FGF14: variants seen among roughly 807,000 people sequenced by gnomAD.
The protein encoded by FGF14 is fibroblast growth factor homologous factor 4.
In FGF14, 5 loss-of-function variants were observed where a neutral mutation model predicts 25.5. That is an observed-to-expected ratio of 0.20 (90% confidence interval 0.10 to 0.41). The LOEUF (loss-of-function observed/expected upper bound fraction) is 0.41. Among genes scored for constraint, FGF14 ranks in the 10% least tolerant of loss-of-function variants. FGF14 has a pLI of 1.00. For missense variants in FGF14, 222 were observed against 320.1 expected (o/e 0.69, Z 2.34); for synonymous variants, 138 against 118.3 (o/e 1.17, Z -1.08).
Position 102,061,386 on chromosome 13 carries a change from G to A in FGF14, c.209-186090C>T, listed in dbSNP as rs373190532. Among the ~76,000 whole-genome samples, 6 of 152,208 alleles carry A rather than the reference G, an allele frequency of 3.9e-5. No homozygotes were observed. In the East Asian group the frequency reaches 9.6e-4, roughly 24 times the overall value. On this transcript the variant is annotated intron_variant, in intron 1 of 4. Coordinates refer to the FGF14 transcript ENST00000376131. The stretch of plus-strand genomic sequence containing the variant: ...AGCCCTGCCACCTGCCCGTCCACAT[G>A]TTCCTCCCAGAGGTTTGCGCGTGGG...
At chr13:101,889,976 T>C (rs2046188240) in intron 1 of FGF14, among the ~76,000 whole-genome samples, 1 of 152,204 alleles carries the variant, frequency 6.6e-6, no homozygotes, top group South Asian at 2.1e-4. Flanking sequence ...ATTTATGAAA[T>C]AGTTTCTAAT....
intron 1 of FGF14, among the ~76,000 whole-genome samples, chr13:101,942,210 C>A (rs1298596027): frequency 1.3e-5 from 2 of 152,050 alleles, no homozygotes; most frequent in Non-Finnish European, 2.9e-5. Context: ...AAGTGTGGTG[C>A]AATTATCTGA....
chr13:101,862,328 A>G (rs1301618382), intron 3 of FGF14, among the ~76,000 whole-genome samples: 8 of 151,334 alleles, frequency 5.3e-5, no homozygotes, highest in African/African-American at 1.7e-4. Context: ...CTGTTCTATT[A>G]TCTTCTTTCC....
chr13:102,125,281 G>A (rs1212958747), intron 1 of FGF14, among the ~76,000 whole-genome samples: 2 of 151,954 alleles, frequency 1.3e-5, no homozygotes, highest in Admixed American at 6.6e-5. Flanking sequence ...AGCTTTTATT[G>A]AATTTTCTTA....
chr13:101,908,075 A>C (rs1445384948), intron 1 of FGF14, among the ~76,000 whole-genome samples: 1 of 152,146 alleles, frequency 6.6e-6, no homozygotes, highest in African/African-American at 2.4e-5. Context: ...GAAATGGGAG[A>C]GGAGACATAA....
chr13:101,979,509 C>T (rs2038123093), intron 1 of FGF14, among the ~76,000 whole-genome samples: 2 of 152,154 alleles, frequency 1.3e-5, no homozygotes, highest in Non-Finnish European at 2.9e-5. Flanking sequence ...GTTTAAGTAA[C>T]TTCCCCTGGG....
intron 1 of FGF14, among the ~76,000 whole-genome samples, chr13:102,146,693 A>G (rs1412671290): frequency 6.6e-6 from 1 of 152,186 alleles, no homozygotes; most frequent in Non-Finnish European, 1.5e-5. Context: ...CAACTACATC[A>G]TGATACTTAG....
intron 1 of FGF14, among the ~76,000 whole-genome samples, chr13:102,109,336 C>T (rs1336991302): frequency 1.3e-5 from 2 of 152,100 alleles, no homozygotes; most frequent in African/African-American, 4.8e-5. Flanking sequence ...ATAAGTTCAA[C>T]ATATCCATTG....
intron 1 of FGF14, among the ~76,000 whole-genome samples, chr13:102,307,393 G>A: frequency 6.6e-6 from 1 of 152,006 alleles, no homozygotes; most frequent in East Asian, 1.9e-4. Context: ...AAATCTGTGG[G>A]AATTTGTTAC....
intron 1 of FGF14, among the ~76,000 whole-genome samples, chr13:102,086,055 TAAAAC>T (rs2043880614): frequency 6.6e-6 from 1 of 152,228 alleles, no homozygotes; most frequent in Non-Finnish European, 1.5e-5. Context: ...CTACTGCTTT[TAAAAC>T]CCATGTAGGG....
At chr13:102,038,524 A>G (rs1481772945) in intron 1 of FGF14, among the ~76,000 whole-genome samples, 1 of 152,140 alleles carries the variant, frequency 6.6e-6, no homozygotes, top group African/African-American at 2.4e-5. Flanking sequence ...GGAACCATAC[A>G]TTTTCACATT....
At chr13:101,891,713 T>C (rs1014640276) in intron 1 of FGF14, among the ~76,000 whole-genome samples, 2 of 152,100 alleles carry the variant, frequency 1.3e-5, no homozygotes, top group African/African-American at 4.8e-5. Context: ...CAAATATACA[T>C]ATGTATACAC....
intron 3 of FGF14, among the ~76,000 whole-genome samples, chr13:101,858,031 A>C (rs920725226): frequency 3.3e-5 from 5 of 151,954 alleles, no homozygotes; most frequent in African/African-American, 1.2e-4. Context: ...TGTTTTACAT[A>C]TTTTTGTGAA....
chr13:102,211,491 A>G (rs1415880420), intron 1 of FGF14, among the ~76,000 whole-genome samples: 1 of 152,030 alleles, frequency 6.6e-6, no homozygotes, highest in Non-Finnish European at 1.5e-5. Context: ...CTCAAAATTA[A>G]TCAGATCTTT....
intron 1 of FGF14, among the ~76,000 whole-genome samples, chr13:102,340,416 C>T (rs2056913796): frequency 1.3e-5 from 2 of 151,580 alleles, no homozygotes; most frequent in South Asian, 4.2e-4. Context: ...TTTGCCCGCA[C>T]ATCCTTGCCA....
chr13:101,831,592 C>T (rs1415208170), intron 3 of FGF14, among the ~76,000 whole-genome samples: 1 of 152,022 alleles, frequency 6.6e-6, no homozygotes, highest in Non-Finnish European at 1.5e-5. Context: ...TGAATTTCCC[C>T]AGGAGAGACA....
At chr13:101,756,658 A>G (rs2037679135) in intron 3 of FGF14, among the ~76,000 whole-genome samples, 1 of 152,160 alleles carries the variant, frequency 6.6e-6, no homozygotes, top group Non-Finnish European at 1.5e-5. Context: ...GCTTGAATCC[A>G]GGAGGCGGAG....
intron 1 of FGF14, among the ~76,000 whole-genome samples, chr13:102,209,448 T>C (rs2050073554): frequency 6.6e-6 from 1 of 152,218 alleles, no homozygotes; most frequent in Non-Finnish European, 1.5e-5. Context: ...TAAATTAATG[T>C]ACTTTTAAAA....
At chr13:102,289,136 A>G (rs189467386) in intron 1 of FGF14, among the ~76,000 whole-genome samples, 6 of 152,312 alleles carry the variant, frequency 3.9e-5, no homozygotes, top group Non-Finnish European at 7.3e-5. Flanking sequence ...TATGTTACCA[A>G]TTAAAATTTG....
Sources: allele counts gnomAD v4.1 joint callset (sites outside exome capture counted in the v4.1 genomes callset), GRCh38; gene constraint gnomAD v4.1.1; transcripts MANE v1.5; gene names NCBI Gene and HGNC (gene_info 2026-07-23, HGNC 2026-07-21).